The following SCD5 variants were observed in gnomAD, a reference collection of about 807,000 sequenced individuals.
SCD5 encodes the protein acyl-CoA-desaturase 4.
A neutral mutation model predicts 30.4 loss-of-function variants in SCD5; 20 were observed. The observed-to-expected ratio is 0.66, with a 90% CI of 0.46 to 0.96. SCD5 has a LOEUF of 0.96. Among genes scored for constraint, SCD5 ranks in the 40% least tolerant of loss-of-function variants. The probability of loss-of-function intolerance (pLI) is 0.00; values close to 1 mark genes in which losing one functional copy is unlikely to be tolerated. For synonymous variants in SCD5, 173 were observed against 176.4 expected, an observed-to-expected ratio of 0.98 and a Z score of 0.16; for missense variants, 381 against 443.3, an observed-to-expected ratio of 0.86 and a Z score of 1.26.
intron 1 of SCD5, among the ~76,000 whole-genome samples, chr4:82,784,991 T>C (rs1345212772): frequency 6.6e-6 from 1 of 152,224 alleles, no homozygotes; most frequent in Non-Finnish European, 1.5e-5. Flanking sequence ...AGCACACTAA[T>C]GGAAGCCCAG....
In SCD5 at chr4:82,770,680, C is replaced by T. The variant is rs534451064; in HGVS notation, c.232+27626G>A. The stretch of plus-strand genomic sequence containing the variant: ...AAGGCTGCCAGGGCTCTGCACATGT[C>T]CCCTTGGCTCTTACCGTTCCTATCT... On this transcript the variant is annotated intron_variant, in intron 1 of 4. Transcript: ENST00000319540. 6.6e-5 allele frequency among the ~76,000 whole-genome samples: 10 copies of T among 152,330 alleles called. No individual in the cohort carries two copies. The South Asian group carries it at 2.1e-3, about 32-fold the overall frequency.
chr4:82,640,813 C>T (rs74799220), intron 3 of SCD5, among the ~76,000 whole-genome samples: 5,734 of 152,310 alleles, frequency 0.038, 143 homozygotes, highest in South Asian at 0.091. Context: ...AGCAACTCCA[C>T]GACGCCCTCT....
At chr4:82,655,275 T>TATA (rs1402648886) in intron 3 of SCD5, among the ~76,000 whole-genome samples, 1 of 152,212 alleles carries the variant, frequency 6.6e-6, no homozygotes, top group Non-Finnish European at 1.5e-5. Flanking sequence ...TACCTCTACT[T>TATA]ATAAATTTTC....
chr4:82,793,401 A>G (rs1167459766), intron 1 of SCD5, among the ~76,000 whole-genome samples: 1 of 152,196 alleles, frequency 6.6e-6, no homozygotes, highest in Non-Finnish European at 1.5e-5. Flanking sequence ...AAACAGGAGG[A>G]AGATGGAATG....
intron 2 of SCD5, among the ~76,000 whole-genome samples, chr4:82,697,202 C>T (rs1719714987): frequency 6.6e-6 from 1 of 152,212 alleles, no homozygotes; most frequent in Non-Finnish European, 1.5e-5. Context: ...GCGGAATTCA[C>T]CTTCAAAACA....
At position 82,665,027 on chromosome 4, in the gene SCD5, T is replaced by TACACAC. The variant is rs36067892; in HGVS notation, c.569+15674_569+15679dup. Reference sequence around the variant, plus strand: ...TATATATATATATATATATGTATAATACACACACACACACACACATATATA... The same window carrying TACACAC: ...TATATATATATATATATATGTATAATACACACACACACACACACACACACATATATA... On this transcript the variant is annotated intron_variant, in intron 3 of 4. Transcript: ENST00000319540. 1.5e-4 allele frequency among the ~76,000 whole-genome samples: 5 copies of TACACAC among 32,798 alleles called. No individual in the cohort carries two copies. In the East Asian group the frequency reaches 0.011, roughly 75 times the overall value. 21.5% of individuals were successfully genotyped at this position (32,798 alleles called of 152,430 possible). A position where few individuals can be genotyped will look rare whatever the true frequency, so the allele number is the denominator to read the frequency against.
intron 3 of SCD5, among the ~76,000 whole-genome samples, chr4:82,677,692 T>C (rs1238714302): frequency 6.6e-6 from 1 of 152,212 alleles, no homozygotes; most frequent in African/African-American, 2.4e-5. Flanking sequence ...AGGACTTCAG[T>C]GCTCACCCAC....
intron 3 of SCD5, among the ~76,000 whole-genome samples, chr4:82,647,071 C>T (rs1727647818): frequency 6.6e-6 from 1 of 152,196 alleles, no homozygotes; most frequent in Admixed American, 6.5e-5. Context: ...GTGATCCACC[C>T]ATCTTGGCTT....
chr4:82,733,524 C>A (rs1316288774), intron 1 of SCD5, among the ~76,000 whole-genome samples: 1 of 152,080 alleles, frequency 6.6e-6, no homozygotes, highest in Non-Finnish European at 1.5e-5. Flanking sequence ...CATAAGTGTG[C>A]CTGATACACA....
At chr4:82,741,853 C>CGGGGGGGGGGGTGGGGGGGGGG (rs34875819) in intron 1 of SCD5, among the ~76,000 whole-genome samples, 1 of 45,406 alleles carries the variant, frequency 2.2e-5, no homozygotes, top group African/African-American at 7.3e-5. Flanking sequence ...TCAGAGTGGG[C>CGGGGGGGGGGGTGGGGGGGGGG]GGGGGGGGGG....
chr4:82,726,782 C>G (rs146620315), intron 1 of SCD5, among the ~76,000 whole-genome samples: 7 of 152,282 alleles, frequency 4.6e-5, no homozygotes, highest in African/African-American at 1.7e-4. Flanking sequence ...GTGTGAGACG[C>G]GCTGGACTGG....
chr4:82,735,407 G>T (rs1005521724), intron 1 of SCD5, among the ~76,000 whole-genome samples: 2 of 152,176 alleles, frequency 1.3e-5, no homozygotes. Flanking sequence ...TGAGTTGCTG[G>T]GGATAGGCTC....
At chr4:82,683,291 T>G (rs1728619984) in intron 2 of SCD5, among the ~76,000 whole-genome samples, 1 of 152,190 alleles carries the variant, frequency 6.6e-6, no homozygotes, top group African/African-American at 2.4e-5. Flanking sequence ...AGGTGTAAAA[T>G]AATTTCAAAT....
chr4:82,753,904 G>A (rs1267132251), intron 1 of SCD5, among the ~76,000 whole-genome samples: 3 of 152,150 alleles, frequency 2.0e-5, no homozygotes, highest in African/African-American at 7.2e-5. Context: ...CAGTCCTGAT[G>A]AGAAAGCCTC....
chr4:82,734,700 C>G (rs1312766785), intron 1 of SCD5, among the ~76,000 whole-genome samples: 1 of 151,722 alleles, frequency 6.6e-6, no homozygotes. Flanking sequence ...CTCTTTTTAG[C>G]TGTATTGTTG....
At chr4:82,679,181 A>C (rs1728498024) in intron 3 of SCD5, among the ~76,000 whole-genome samples, 1 of 139,768 alleles carries the variant, frequency 7.2e-6, no homozygotes. Flanking sequence ...CCTGGGCGAC[A>C]GAGTGAGACT....
intron 1 of SCD5, among the ~76,000 whole-genome samples, chr4:82,712,453 G>T (rs1418723857): frequency 6.7e-6 from 1 of 149,718 alleles, no homozygotes; most frequent in Non-Finnish European, 1.5e-5. Flanking sequence ...GAGTAGCTGG[G>T]ATTACAGGCG....
chr4:82,679,267 G>GAGA (rs1560531726), intron 3 of SCD5, among the ~76,000 whole-genome samples: 7 of 119,070 alleles, frequency 5.9e-5, no homozygotes, highest in African/African-American at 1.9e-4. Context: ...AAAGAAGGAA[G>GAGA]GAAAGAAAGA....
At chr4:82,674,044 A>C (rs993571413) in intron 3 of SCD5, among the ~76,000 whole-genome samples, 1 of 152,180 alleles carries the variant, frequency 6.6e-6, no homozygotes, top group Non-Finnish European at 1.5e-5. Context: ...ACAAAACTAC[A>C]AAACTTCTAG....
Sources: gnomAD v4.1 joint callset for allele counts (sites outside exome capture counted in the v4.1 genomes callset) on GRCh38, gnomAD v4.1.1 for gene constraint, MANE v1.5 for transcripts, NCBI Gene and HGNC (gene_info 2026-07-23, HGNC 2026-07-21) for gene names.